EFCAB6: variants seen among roughly 807,000 people sequenced by gnomAD.
EFCAB6 encodes EF-hand calcium binding domain 6.
In EFCAB6, 156 loss-of-function variants were observed where a neutral mutation model predicts 169.8. The observed-to-expected ratio is 0.92, with a 90% CI of 0.81 to 1.05. The LOEUF is 1.05. Ranked by LOEUF, EFCAB6 falls within the 50% of genes least tolerant of loss-of-function variation. The probability of loss-of-function intolerance (pLI) is 0.00; values close to 1 mark genes in which losing one functional copy is unlikely to be tolerated. For synonymous variants in EFCAB6, 698 were observed against 676.4 expected (o/e 1.03, Z -0.50); for missense variants, 1,800 against 1,829.1 (o/e 0.98, Z 0.29).
chr22:43,723,655 T>G (rs2059618210), intron 8 of EFCAB6, among the ~76,000 whole-genome samples: 2 of 152,244 alleles, frequency 1.3e-5, no homozygotes, highest in African/African-American at 2.4e-5. Context: ...ATTCTTACAT[T>G]CTGCACACCT....
chr22:43,545,840 A>T (rs1203217956), intron 27 of EFCAB6, among the ~76,000 whole-genome samples: 1 of 152,152 alleles, frequency 6.6e-6, no homozygotes, highest in Admixed American at 6.5e-5. Flanking sequence ...GAAGAAGCAA[A>T]CCCTAATCAT....
chr22:43,705,428 A>G (rs1483358633), intron 10 of EFCAB6, among the ~76,000 whole-genome samples: 2 of 152,182 alleles, frequency 1.3e-5, no homozygotes, highest in African/African-American at 4.8e-5. Context: ...ATATACATTC[A>G]TCTCAAGCGC....
intron 6 of EFCAB6, among the ~76,000 whole-genome samples, chr22:43,741,873 C>G (rs5764263): frequency 6.6e-6 from 1 of 151,960 alleles, no homozygotes; most frequent in Non-Finnish European, 1.5e-5. Flanking sequence ...CTAGCTCCTT[C>G]CCCTGGGGGC....
chr22:43,733,730 G>C (rs1383817233), intron 7 of EFCAB6, among the ~76,000 whole-genome samples: 2 of 151,976 alleles, frequency 1.3e-5, no homozygotes, highest in East Asian at 1.9e-4. Flanking sequence ...TTTTCTTTAA[G>C]ATGGAGTCTC....
rs910922797 is a variant in EFCAB6, at chr22:43,731,573, T to A, written c.757+126A>T. The A allele has an allele frequency of 5.6e-6, 3 of 540,076 alleles. No individual in the cohort carries two copies. In the East Asian group the frequency reaches 1.0e-4, roughly 18 times the overall value. 33.5% of individuals were successfully genotyped at this position (540,076 alleles called of 1,614,324 possible). ...GTTATTCTTATAAATAATGATACCA[T>A]GGCTAGCTTTGTAGATAATGTATTT... On this transcript the variant is annotated intron_variant, in intron 8 of 31. Transcript: ENST00000262726.
chr22:43,768,465 G>A (rs1362317580), intron 4 of EFCAB6, among the ~76,000 whole-genome samples: 1 of 152,172 alleles, frequency 6.6e-6, no homozygotes, highest in Non-Finnish European at 1.5e-5. Flanking sequence ...ATCACCAAAT[G>A]GATTCATCAT....
chr22:43,540,121 ACT>A lies in EFCAB6; in HGVS notation c.3879+4_3879+5del. ...CCTGGGACACCTGGCAGGATGGAGA[ACT>A]CACACAGGGGTGGCTCTGCGACTTT... On this transcript the variant is annotated splice_donor_5th_base_variant and intron_variant, in intron 28 of 31. Coordinates refer to ENST00000262726, the MANE Select transcript of EFCAB6 (RefSeq NM_022785.4). 1 of 1,613,686 alleles carries A rather than the reference ACT, an allele frequency of 6.2e-7. No individual in the cohort carries two copies. Among genetic ancestry groups the A allele is most frequent in the Non-Finnish European group, 8.5e-7 (1 of 1,179,694 alleles).
chr22:43,802,739 C>A, intron 2 of EFCAB6: 1 of 506,312 alleles, frequency 2.0e-6, no homozygotes, highest in Non-Finnish European at 3.9e-6. Flanking sequence ...CAAAACAGAC[C>A]GGGCACAGAA....
At chr22:43,745,194 G>A (rs2060516897) in intron 6 of EFCAB6, among the ~76,000 whole-genome samples, 2 of 152,154 alleles carry the variant, frequency 1.3e-5, no homozygotes, top group Admixed American at 1.3e-4. Context: ...AGCACTTTGA[G>A]CTCCAGGAAG....
intron 22 of EFCAB6, among the ~76,000 whole-genome samples, chr22:43,604,262 A>T (rs996145277): frequency 6.6e-5 from 10 of 152,218 alleles, no homozygotes; most frequent in African/African-American, 2.2e-4. Context: ...GGAGCTGAAC[A>T]TGCTCAAAGG....
chr22:43,579,847 C>G (rs2050600219), intron 25 of EFCAB6, among the ~76,000 whole-genome samples: 2 of 151,174 alleles, frequency 1.3e-5, no homozygotes, highest in Non-Finnish European at 1.5e-5. Flanking sequence ...TCTCTATATG[C>G]AGGCATTATT....
intron 12 of EFCAB6, among the ~76,000 whole-genome samples, chr22:43,683,018 A>G (rs1417317364): frequency 6.6e-6 from 1 of 152,086 alleles, no homozygotes; most frequent in Non-Finnish European, 1.5e-5. Context: ...CCACTCCCAG[A>G]CACTCCCTCC....
chr22:43,754,496 C>T (rs924698181), intron 6 of EFCAB6, among the ~76,000 whole-genome samples: 1 of 152,190 alleles, frequency 6.6e-6, no homozygotes, highest in African/African-American at 2.4e-5. Flanking sequence ...TGGTACTAAG[C>T]ATTACCTTTT....
intron 17 of EFCAB6, among the ~76,000 whole-genome samples, chr22:43,638,985 A>G (rs2055621890): frequency 6.6e-6 from 1 of 151,576 alleles, no homozygotes; most frequent in Non-Finnish European, 1.5e-5. Context: ...GGGTTTCTCC[A>G]TGTTGATCAG....
intron 3 of EFCAB6, among the ~76,000 whole-genome samples, chr22:43,779,061 A>G (rs1247234228): frequency 1.3e-5 from 2 of 152,230 alleles, no homozygotes; most frequent in Non-Finnish European, 2.9e-5. Flanking sequence ...AGCTGAGAAC[A>G]TGGTGAACAT....
At chr22:43,567,243 C>T (rs775640939) in intron 26 of EFCAB6, among the ~76,000 whole-genome samples, 51 of 152,050 alleles carry the variant, frequency 3.4e-4, no homozygotes, top group Non-Finnish European at 5.6e-4. Flanking sequence ...TTGCAAACAC[C>T]GATTCACAAA....
In EFCAB6 at chr22:43,647,100, T is replaced by C. The variant is rs184936464; in HGVS notation, c.1984-11884A>G. ...TATACGGGAACTTTGTAGTTTCCAC[T>C]AAATCTTGCTATAAACCTAAAGCTG... is the stretch of plus-strand genomic sequence containing the variant. On this transcript the variant is annotated intron_variant, in intron 17 of 31. Coordinates refer to ENST00000262726, the MANE Select transcript of EFCAB6 (RefSeq NM_022785.4). Among the ~76,000 whole-genome samples the C allele has an allele frequency of 1.1e-4, 17 of 147,976 alleles. No individual in the cohort carries two copies. The East Asian group carries it at 3.0e-3, about 26-fold the overall frequency.
chr22:43,730,230 GGAGGGAAGGATGGAA>G, intron 8 of EFCAB6, among the ~76,000 whole-genome samples: 1 of 114,904 alleles, frequency 8.7e-6, no homozygotes, highest in Non-Finnish European at 1.8e-5. Flanking sequence ...AAGGAGGGCA[GGAGGGAAGGATGGAA>G]GGAGGGAAGG....
At chr22:43,581,088 CA>C (rs1365436715) in intron 24 of EFCAB6, among the ~76,000 whole-genome samples, 1 of 152,050 alleles carries the variant, frequency 6.6e-6, no homozygotes, top group Non-Finnish European at 1.5e-5. Context: ...GACAGCGGCT[CA>C]AAGACAGTGT....
Sources: allele counts gnomAD v4.1 joint callset (sites outside exome capture counted in the v4.1 genomes callset), GRCh38; gene constraint gnomAD v4.1.1; transcripts MANE v1.5; gene names NCBI Gene and HGNC (gene_info 2026-07-23, HGNC 2026-07-21).